The following RASGRF2 variants were observed in gnomAD, a reference collection of about 807,000 sequenced individuals.
The protein encoded by RASGRF2 is Ras protein specific guanine nucleotide releasing factor 2.
RASGRF2 carries 76 observed loss-of-function variants against 151.0 expected under a neutral mutation model. The observed-to-expected ratio is 0.50, with a 90% confidence interval of 0.42 to 0.61. The LOEUF (loss-of-function observed/expected upper bound fraction) is 0.61, where lower values mean the gene tolerates loss of function less well. Among genes scored for constraint, RASGRF2 ranks in the 20% least tolerant of loss-of-function variants. RASGRF2 has a pLI of 0.00. For missense variants in RASGRF2, 1,148 were observed against 1,564.6 expected, an observed-to-expected ratio of 0.73 and a Z score of 4.49; for synonymous variants, 504 against 566.5, an observed-to-expected ratio of 0.89 and a Z score of 1.57.
intron 17 of RASGRF2, among the ~76,000 whole-genome samples, chr5:81,177,411 A>AT (rs906487571): frequency 3.1e-4 from 45 of 146,560 alleles, no homozygotes; most frequent in South Asian, 6.5e-4. Flanking sequence ...AAACTTAGAG[A>AT]TTTTTTTTTT....
rs750749847 is a variant in RASGRF2 at position 81,225,859 on chromosome 5, C to G, written c.*89C>G. On this transcript the variant is annotated 3_prime_UTR_variant, in exon 27 of 27. Coordinates refer to ENST00000265080, the MANE Select transcript of RASGRF2 (RefSeq NM_006909.3). ...ATGCCTTGCCTATCACGGTACAGCACGAAGCCAGGCTCCTTTCTCCACCAA... is the reference window on the plus strand; with the variant it reads ...ATGCCTTGCCTATCACGGTACAGCAGGAAGCCAGGCTCCTTTCTCCACCAA... The G allele has an allele frequency of 2.2e-6, 3 of 1,337,292 alleles. No homozygotes were observed. The highest frequency in any genetic ancestry group is 1.5e-5 in the South Asian group (1 of 66,080). 82.8% of individuals were successfully genotyped at this position (1,337,292 alleles called of 1,614,324 possible). A position where few individuals can be genotyped will look rare whatever the true frequency, so the allele number is the denominator to read the frequency against.
chr5:81,124,177 A>G (rs1213762147), intron 16 of RASGRF2, among the ~76,000 whole-genome samples: 1 of 152,222 alleles, frequency 6.6e-6, no homozygotes, highest in Non-Finnish European at 1.5e-5. Context: ...ACGATTTTAT[A>G]TCAGGGACTT....
At chr5:81,162,336 T>G (rs374784114) in intron 17 of RASGRF2, among the ~76,000 whole-genome samples, 2 of 150,470 alleles carry the variant, frequency 1.3e-5, no homozygotes, top group African/African-American at 4.9e-5. Context: ...TGCTGGGGGG[T>G]TTTTTTGTTT....
intron 17 of RASGRF2, among the ~76,000 whole-genome samples, chr5:81,127,923 C>CAAAAAAAAAAAAAAA (rs60196392): frequency 1.5e-5 from 1 of 64,874 alleles, no homozygotes; most frequent in African/African-American, 6.0e-5. Context: ...GACTCCGTCT[C>CAAAAAAAAAAAAAAA]AAAAAAAAAA....
intron 1 of RASGRF2, among the ~76,000 whole-genome samples, chr5:80,976,497 C>T (rs911648190): frequency 3.9e-5 from 6 of 152,352 alleles, no homozygotes; most frequent in Non-Finnish European, 7.3e-5. Context: ...TCTTCAGTCT[C>T]ATTCTCCTCC....
At position 81,003,512 on chromosome 5, in the gene RASGRF2, T is replaced by C. The variant is rs142303924; in HGVS notation, c.289-39365T>C. Among the ~76,000 whole-genome samples the C allele has an allele frequency of 5.6e-3, 852 of 152,206 alleles. 8 individuals carry two copies. Among genetic ancestry groups the C allele is most frequent in the African/African-American group, 0.017 (702 of 41,560 alleles). Reference sequence around the variant, plus strand: ...TGCTGGGATTACAGGCGTGAGCCACTGCGCCCGGCATGCTAATTTTTGTAT... The same window carrying C: ...TGCTGGGATTACAGGCGTGAGCCACCGCGCCCGGCATGCTAATTTTTGTAT... On this transcript the variant is annotated intron_variant, in intron 1 of 26. Transcript: ENST00000265080.
intron 1 of RASGRF2, among the ~76,000 whole-genome samples, chr5:81,033,243 A>G (rs1263325439): frequency 1.4e-3 from 207 of 148,778 alleles, no homozygotes; most frequent in African/African-American, 5.0e-3. Flanking sequence ...TATACATTCA[A>G]TGCCATCCCC....
chr5:81,102,696 CAAAA>C (rs35561550), intron 12 of RASGRF2, among the ~76,000 whole-genome samples: 1 of 77,900 alleles, frequency 1.3e-5, no homozygotes, highest in Non-Finnish European at 2.9e-5. Context: ...CTCTGTCTCC[CAAAA>C]AAAAAAAAAA....
chr5:81,173,890 T>C (rs1247241350), intron 17 of RASGRF2, among the ~76,000 whole-genome samples: 1 of 152,242 alleles, frequency 6.6e-6, no homozygotes, highest in Non-Finnish European at 1.5e-5. Flanking sequence ...CATCTCCCTT[T>C]GTTCACTCAG....
At chr5:81,088,003 A>G (rs1402472285) in intron 9 of RASGRF2, 1 of 152,294 alleles carries the variant, frequency 6.6e-6, no homozygotes, top group Admixed American at 6.5e-5. Flanking sequence ...TACAAGGAGA[A>G]ACCACACATA....
chr5:80,988,010 TGTG>T (rs1748529858), intron 1 of RASGRF2, among the ~76,000 whole-genome samples: 1 of 27,592 alleles, frequency 3.6e-5, no homozygotes, highest in African/African-American at 3.4e-4. Context: ...TAAATGTGCG[TGTG>T]TGTGTGTGTG....
intron 2 of RASGRF2, among the ~76,000 whole-genome samples, chr5:81,059,235 T>A (rs1751334866): frequency 6.6e-6 from 1 of 151,512 alleles, no homozygotes; most frequent in African/African-American, 2.4e-5. Flanking sequence ...ATACAAAAAA[T>A]TAGCCGGGCC....
intron 13 of RASGRF2, 51 bp downstream of exon 13, chr5:81,109,129 G>T: frequency 6.3e-7 from 1 of 1,576,952 alleles, no homozygotes; most frequent in South Asian, 1.1e-5. Context: ...TAAATTGGCG[G>T]AACATGTAAA....
chr5:81,215,800 G>T lies in RASGRF2; in HGVS notation c.3355-76G>T. 2.1e-6 allele frequency: 3 copies of T among 1,404,754 alleles called. No homozygotes were observed. The South Asian group carries it at 5.6e-5, about 26-fold the overall frequency. 87.0% of individuals were successfully genotyped at this position (1,404,754 alleles called of 1,614,324 possible). On this transcript the variant is annotated intron_variant, in intron 23 of 26. Coordinates refer to ENST00000265080, the MANE Select transcript of RASGRF2 (RefSeq NM_006909.3). Reference sequence around the variant, plus strand: ...GCACCTGTCACCAAAGAAGAGAACTGAACATCTTTTGGCAATTCACTGTCT... The same window carrying T: ...GCACCTGTCACCAAAGAAGAGAACTTAACATCTTTTGGCAATTCACTGTCT...
chr5:81,025,207 C>G (rs6888990), intron 1 of RASGRF2, among the ~76,000 whole-genome samples: 18,765 of 152,226 alleles, frequency 0.12, 1,698 homozygotes, highest in African/African-American at 0.25. Flanking sequence ...GGCTCTAAGA[C>G]AAGCCCAGCC....
chr5:81,197,525 C>T (rs1270026383), intron 18 of RASGRF2, among the ~76,000 whole-genome samples: 1 of 149,910 alleles, frequency 6.7e-6, no homozygotes, highest in Non-Finnish European at 1.5e-5. Flanking sequence ...CCATCTGCCA[C>T]CCAACTGAGG....
chr5:81,140,411 A>AACAC (rs138439687), intron 17 of RASGRF2, among the ~76,000 whole-genome samples: 5,721 of 148,494 alleles, frequency 0.039, 135 homozygotes, highest in Middle Eastern at 0.086. Flanking sequence ...CCTATTTTTA[A>AACAC]ACACACACAC....
At chr5:81,014,420 G>A (rs777187653) in intron 1 of RASGRF2, among the ~76,000 whole-genome samples, 1 of 152,206 alleles carries the variant, frequency 6.6e-6, no homozygotes, top group Non-Finnish European at 1.5e-5. Flanking sequence ...ATGAGAGCTT[G>A]TGCAGAAGAA....
chr5:81,023,515 T>C (rs1261853803), intron 1 of RASGRF2, among the ~76,000 whole-genome samples: 1 of 152,204 alleles, frequency 6.6e-6, no homozygotes, highest in African/African-American at 2.4e-5. Flanking sequence ...CAAGACTCTT[T>C]GATGAGCGGC....
Sources: gnomAD v4.1 joint callset for allele counts (sites outside exome capture counted in the v4.1 genomes callset) on GRCh38, gnomAD v4.1.1 for gene constraint, MANE v1.5 for transcripts, NCBI Gene and HGNC (gene_info 2026-07-23, HGNC 2026-07-21) for gene names.